Variants in TMEM132C observed in about 807,000 individuals in gnomAD.
TMEM132C encodes the protein protein phosphatase 1, regulatory subunit 152.
Under a neutral mutation model 61.4 loss-of-function variants are expected in TMEM132C, and 29 were observed. The observed-to-expected ratio is 0.47, with a 90% CI of 0.35 to 0.64. TMEM132C has a LOEUF of 0.64. TMEM132C is among the 30% of genes least tolerant of loss of function. TMEM132C has a pLI of 0.00. For missense variants in TMEM132C, 1,408 were observed against 1,476.9 expected, an observed-to-expected ratio of 0.95 and a Z score of 0.76; for synonymous variants, 656 against 633.1, an observed-to-expected ratio of 1.04 and a Z score of -0.54.
intron 1 of TMEM132C, among the ~76,000 whole-genome samples, chr12:128,309,083 G>A (rs1242972844): frequency 6.6e-6 from 1 of 152,062 alleles, no homozygotes; most frequent in East Asian, 1.9e-4. Flanking sequence ...CCTCACTTAA[G>A]CAGAAAAAAG....
intron 2 of TMEM132C, among the ~76,000 whole-genome samples, chr12:128,494,463 A>C (rs552615619): frequency 6.6e-6 from 1 of 152,290 alleles, no homozygotes; most frequent in South Asian, 2.1e-4. Flanking sequence ...TTCTGCTGTG[A>C]ATCTGTCTGG....
chr12:128,486,540 A>G (rs1871497206), intron 2 of TMEM132C, among the ~76,000 whole-genome samples: 1 of 152,164 alleles, frequency 6.6e-6, no homozygotes, highest in Non-Finnish European at 1.5e-5. Flanking sequence ...TGCCCTGTGG[A>G]AAGTGTGGGT....
At chr12:128,421,913 G>T (rs1869000271) in intron 2 of TMEM132C, among the ~76,000 whole-genome samples, 1 of 151,848 alleles carries the variant, frequency 6.6e-6, no homozygotes, top group African/African-American at 2.4e-5. Flanking sequence ...CCAGCCCTTG[G>T]TGTATGACTT....
chr12:128,278,788 T>TGTGTGTGTGTGTG lies in TMEM132C; in HGVS notation c.85+11301_85+11302insGTGTGTGTGTGTG, dbSNP rs1870782995. Reference sequence around the variant, plus strand: ...TGTGTGTGTGTGTGTGTGTGTGTGTTTGGGTGAGATTAACAAATTGGTGGA... The same window carrying TGTGTGTGTGTGTG: ...TGTGTGTGTGTGTGTGTGTGTGTGTTGTGTGTGTGTGTGTGGGTGAGATTAACAAATTGGTGGA... On this transcript the variant is annotated intron_variant, in intron 1 of 8. Transcript: ENST00000435159. This position sits in a 1 kb window ranked among gnomAD's most constrained non-coding sequence, Gnocchi z 4.2. Among the ~76,000 whole-genome samples, 1 of 117,422 alleles carries TGTGTGTGTGTGTG rather than the reference T, an allele frequency of 8.5e-6. No homozygotes were observed. 77.0% of individuals were successfully genotyped at this position (117,422 alleles called of 152,430 possible).
chr12:128,634,290 G>A (rs778132304), intron 4 of TMEM132C, among the ~76,000 whole-genome samples: 2 of 152,200 alleles, frequency 1.3e-5, no homozygotes, highest in Non-Finnish European at 2.9e-5. Flanking sequence ...TGCCCAGCTA[G>A]TCTCAAACTC....
rs1010030080 is a variant in TMEM132C, at chr12:128,451,951, T to C, written c.974+36331T>C. ...ATAAAATCACTTAAAAATACAGTGA[T>C]AAGTTGAAAGAACAAAAATTAAATT... On this transcript the variant is annotated intron_variant, in intron 2 of 8. Coordinates refer to ENST00000435159, the MANE Select transcript of TMEM132C (RefSeq NM_001136103.3). 2.8e-4 allele frequency among the ~76,000 whole-genome samples: 43 copies of C among 151,970 alleles called. 1 individual carries two copies. The highest frequency in any genetic ancestry group is 1.0e-3 in the African/African-American group (43 of 41,390).
chr12:128,675,484 C>T (rs988527654), intron 5 of TMEM132C, among the ~76,000 whole-genome samples: 2 of 152,188 alleles, frequency 1.3e-5, no homozygotes, highest in Admixed American at 6.5e-5. Context: ...TTTTGCTTAA[C>T]ATTTTACTTT....
At chr12:128,567,050 G>A (rs185974483) in intron 3 of TMEM132C, among the ~76,000 whole-genome samples, 1 of 152,126 alleles carries the variant, frequency 6.6e-6, no homozygotes, top group Non-Finnish European at 1.5e-5. Flanking sequence ...AAATACCAAA[G>A]GGATGCATCA....
chr12:128,622,354 AAAAAAAATATATATATATAT>A lies in TMEM132C; in HGVS notation c.1305+6021_1305+6040del, dbSNP rs1172205260. ...GTGAGACTTTGTCTCAAAAAAAAAA[AAAAAAAATATATATATATAT>A]ATATATATATATATATATATATATA... On this transcript the variant is annotated intron_variant, in intron 4 of 8. Transcript: ENST00000435159. Among the ~76,000 whole-genome samples, 38 of 66,284 alleles carry A rather than the reference AAAAAAAATATATATATATAT, an allele frequency of 5.7e-4. 2 individuals carry two copies. The highest frequency in any genetic ancestry group is 2.2e-3 in the African/African-American group (35 of 15,984). The allele number at this position is 66,284 out of a possible 152,430, so 43.5% of individuals were successfully genotyped here.
chr12:128,420,750 A>G (rs928490003), intron 2 of TMEM132C, among the ~76,000 whole-genome samples: 1 of 152,222 alleles, frequency 6.6e-6, no homozygotes, highest in African/African-American at 2.4e-5. Flanking sequence ...AAGGAGACAC[A>G]GCATCAGGAT....
Position 128,517,066 on chromosome 12 carries a change from C to CAAA in TMEM132C, c.975-26878_975-26876dup, listed in dbSNP as rs1253841017. On this transcript the variant is annotated intron_variant, in intron 2 of 8. Transcript: ENST00000435159. ...GTGACACCTGTCTCTGCTAAAAATA[C>CAAA]AAAAAAAAAAAAAAATTAGCCAGGT... is the stretch of plus-strand genomic sequence containing the variant. Among the ~76,000 whole-genome samples, 605 of 107,858 alleles carry CAAA rather than the reference C, an allele frequency of 5.6e-3. 3 individuals are homozygous for CAAA. Among genetic ancestry groups the CAAA allele is most frequent in the African/African-American group, 0.018 (576 of 31,168 alleles). 70.8% of individuals were successfully genotyped at this position (107,858 alleles called of 152,430 possible).
At chr12:128,345,617 G>C (rs1873135220) in intron 1 of TMEM132C, among the ~76,000 whole-genome samples, 1 of 152,058 alleles carries the variant, frequency 6.6e-6, no homozygotes, top group Non-Finnish European at 1.5e-5. Flanking sequence ...TGACAGATGG[G>C]AGATGGTGTC....
At chr12:128,504,339 A>C (rs769688205) in intron 2 of TMEM132C, among the ~76,000 whole-genome samples, 1 of 152,204 alleles carries the variant, frequency 6.6e-6, no homozygotes, top group South Asian at 2.1e-4. Context: ...TGGAACACAC[A>C]TTCCAGCTAT....
At chr12:128,532,122 G>A (rs1287375841) in intron 2 of TMEM132C, among the ~76,000 whole-genome samples, 4 of 152,154 alleles carry the variant, frequency 2.6e-5, no homozygotes, top group African/African-American at 9.7e-5. Context: ...TGCCAGTGTT[G>A]CACGCATGCT....
chr12:128,625,530 AGGAGGAGC>A (rs1299549005), intron 4 of TMEM132C, among the ~76,000 whole-genome samples: 1 of 152,232 alleles, frequency 6.6e-6, no homozygotes, highest in Non-Finnish European at 1.5e-5. Flanking sequence ...GTGGAAGGCA[AGGAGGAGC>A]AAGTCACATC....
intron 3 of TMEM132C, among the ~76,000 whole-genome samples, chr12:128,588,597 C>CA (rs1320090517): frequency 6.6e-6 from 1 of 152,126 alleles, no homozygotes; most frequent in African/African-American, 2.4e-5. Flanking sequence ...GTGTCCCCCC[C>CA]ACTCACAAAA....
chr12:128,460,105 A>G (rs1286607956), intron 2 of TMEM132C, among the ~76,000 whole-genome samples: 2 of 152,188 alleles, frequency 1.3e-5, no homozygotes. Context: ...TCTGCAGAAG[A>G]GAACTCGTTG....
chr12:128,472,029 G>A (rs770575205), intron 2 of TMEM132C, among the ~76,000 whole-genome samples: 20 of 152,122 alleles, frequency 1.3e-4, no homozygotes, highest in African/African-American at 2.7e-4. Context: ...TTAGGGTTAC[G>A]CAGATGAAAT....
chr12:128,295,151 G>A (rs1250235371), intron 1 of TMEM132C, among the ~76,000 whole-genome samples: 1 of 152,046 alleles, frequency 6.6e-6, no homozygotes, highest in African/African-American at 2.4e-5. Context: ...TTGAAATTCT[G>A]TATGGAGCTA....
Sources: gnomAD v4.1 joint callset for allele counts (sites outside exome capture counted in the v4.1 genomes callset) on GRCh38, gnomAD v4.1.1 for gene constraint, Gnocchi (gnomAD v3.1) non-coding constraint, MANE v1.5 for transcripts, NCBI Gene and HGNC (gene_info 2026-07-23, HGNC 2026-07-21) for gene names.